The following SH2D5 variants were observed in gnomAD, a reference collection of about 807,000 sequenced individuals.
SH2D5 encodes the protein SH2 domain-containing protein 5.
SH2D5 carries 45 observed loss-of-function variants against 48.2 expected under a neutral mutation model. That is an observed-to-expected ratio of 0.93 (90% CI 0.73 to 1.20). SH2D5 has a LOEUF of 1.20. Among genes scored for constraint, SH2D5 ranks in the 50% most tolerant of loss-of-function variants. The pLI, the probability that SH2D5 is intolerant of heterozygous loss-of-function variation, is 0.00. For missense variants in SH2D5, 538 were observed against 584.1 expected (o/e 0.92, Z 0.81); for synonymous variants, 230 against 249.8 (o/e 0.92, Z 0.75).
rs2054667392 is a variant in SH2D5 at position 20,720,652 on chromosome 1, G to A, written c.*1140C>T. 1.3e-5 allele frequency: 2 copies of A among 152,284 alleles called. No individual in the cohort carries two copies. Among genetic ancestry groups the A allele is most frequent in the African/African-American group, 4.8e-5 (2 of 41,478 alleles). 9.4% of individuals were successfully genotyped at this position (152,284 alleles called of 1,614,324 possible). A position where few individuals can be genotyped will look rare whatever the true frequency, so the allele number is the denominator to read the frequency against. On this transcript the variant is annotated 3_prime_UTR_variant, in exon 10 of 10. Transcript: ENST00000444387. ...GTTTGCTTACAAAGAGGGTTTGTCAGTCACTGGCAGGACCACTGCCTCACA... is the reference window on the plus strand; with the variant it reads ...GTTTGCTTACAAAGAGGGTTTGTCAATCACTGGCAGGACCACTGCCTCACA...
chr1:20,727,975 T>C lies in SH2D5; in HGVS notation c.70A>G (p.Ile24Val). ...CCACCCACCTGGGCAAACTTGGTGA[T>C]GCACCTGGGCCGGTGAGGGGCCAGC... Reference protein sequence around the residue: ...CGLAPHRPRCITKFAQYVGSF... With the variant: ...CGLAPHRPRCVTKFAQYVGSF... The change falls in exon 2 of 10, where the codon ATC becomes GTC. Residue 24 changes from isoleucine (I) to valine (V), a missense_variant. By Grantham distance (29) the Ile-to-Val change is conservative. Transcript: ENST00000444387. 6.4e-7 allele frequency: 1 copy of C among 1,573,388 alleles called. No homozygotes were observed. The highest frequency in any genetic ancestry group is 2.3e-5 in the East Asian group (1 of 42,714).
Position 20,728,978 on chromosome 1 carries a change from C to T in SH2D5, c.-42-892G>A, listed in dbSNP as rs1249709093. ...CAGTCAGACAGTGCGCTGATGCAGA[C>T]AGGATGTGGGGAAGGAGGACAACTG... On this transcript the variant is annotated intron_variant, in intron 1 of 9. Coordinates refer to ENST00000444387, the MANE Select transcript of SH2D5 (RefSeq NM_001103161.2). This position sits in a 1 kb window ranked among gnomAD's most constrained non-coding sequence, Gnocchi z 4.3. Among the ~76,000 whole-genome samples the T allele has an allele frequency of 1.3e-5, 2 of 151,840 alleles. No individual in the cohort carries two copies. Among genetic ancestry groups the T allele is most frequent in the African/African-American group, 4.8e-5 (2 of 41,304 alleles).
rs1049750961 is a variant in SH2D5 at position 20,727,940 on chromosome 1, C to G, written c.87+18G>C. 1.3e-6 allele frequency: 2 copies of G among 1,545,592 alleles called. No homozygotes were observed. The highest frequency in any genetic ancestry group is 1.8e-6 in the Non-Finnish European group (2 of 1,138,920). Reference sequence around the variant, plus strand: ...GGCCACCCACCAGAGCACACCTGGACAGGGTGGCCCCACCCACCTGGGCAA... The same window carrying G: ...GGCCACCCACCAGAGCACACCTGGAGAGGGTGGCCCCACCCACCTGGGCAA... On this transcript the variant is annotated intron_variant, in intron 2 of 9. Coordinates refer to ENST00000444387, the MANE Select transcript of SH2D5 (RefSeq NM_001103161.2).
At position 20,727,054 on chromosome 1, in the gene SH2D5, C is replaced by T. The variant is rs745423162; in HGVS notation, c.190G>A (p.Val64Ile). Residue 64 changes from valine to isoleucine, a missense_variant, in exon 4 of 10, where the codon GTC (valine) becomes ATC (isoleucine). Val to Ile is a conservative substitution (Grantham distance 29). Coordinates refer to ENST00000444387, the MANE Select transcript of SH2D5 (RefSeq NM_001103161.2). Reference protein sequence around the residue: ...ALKDCPRRRAVILKFSLQGLK... With the variant: ...ALKDCPRRRAIILKFSLQGLK... ...CCCTGAAGGCTGAATTTCAGGATGA[C>T]GGCCCGGCGTCGGGGACAGTCCTGG... is the stretch of plus-strand genomic sequence containing the variant. 3.7e-5 allele frequency: 59 copies of T among 1,611,694 alleles called. No homozygotes were observed. Among genetic ancestry groups the T allele is most frequent in the Middle Eastern group, 1.6e-4 (1 of 6,080 alleles).
chr1:20,725,910 C>A lies in SH2D5; in HGVS notation c.390+10G>T, dbSNP rs1009083139. ...CTCCGTGGCGGTCCCCTGCCTCAAG[C>A]CCCAGATACCTCTCCTGGCTGGCTG... On this transcript the variant is annotated intron_variant, in intron 5 of 9. Transcript: ENST00000444387. 12 of 1,612,406 alleles carry A rather than the reference C, an allele frequency of 7.4e-6. No homozygotes were observed. The African/African-American group carries it at 1.2e-4, about 16-fold the overall frequency.
In SH2D5 at chr1:20,724,408, C is replaced by G; in HGVS notation, c.618G>C (p.Leu206=). 1 of 1,612,832 alleles carries G rather than the reference C, an allele frequency of 6.2e-7. No homozygotes were observed. Among genetic ancestry groups the G allele is most frequent in the Non-Finnish European group, 8.5e-7 (1 of 1,179,978 alleles). ...VSFRRLPAEG[L]VGSGKELPES... ...GGGTGCTGCGTACCCCACTGCCCAC[C>G]AGCCCCTCTGCTGGCAGCCGCCGAA... Residue 206 remains leucine, a synonymous_variant, in exon 6 of 10, where the codon CTG becomes CTC. Coordinates refer to ENST00000444387, the MANE Select transcript of SH2D5 (RefSeq NM_001103161.2).
intron 8 of SH2D5, 31 bp from the exon 9 acceptor site, chr1:20,722,946 T>A (rs945227426): frequency 1.3e-6 from 2 of 1,507,208 alleles, no homozygotes; most frequent in Non-Finnish European, 1.8e-6. Flanking sequence ...GAGTAAAGGC[T>A]GGACTGCTCT....
Position 20,728,826 on chromosome 1 carries a change from C to A in SH2D5, c.-42-740G>T, listed in dbSNP as rs1365019258. On this transcript the variant is annotated intron_variant, in intron 1 of 9. Coordinates refer to ENST00000444387, the MANE Select transcript of SH2D5 (RefSeq NM_001103161.2). The surrounding 1 kb of genome is among the most constrained non-coding windows in gnomAD (Gnocchi z 4.3). ...GCTCTGTAGTTCATGAAGGTGGCTG[C>A]AAGCTGGATGGCCAGAGCTGATGAG... is the stretch of plus-strand genomic sequence containing the variant. Among the ~76,000 whole-genome samples, 1 of 152,188 alleles carries A rather than the reference C, an allele frequency of 6.6e-6. No individual in the cohort carries two copies. Among genetic ancestry groups the A allele is most frequent in the East Asian group, 1.9e-4 (1 of 5,196 alleles).
Position 20,724,249 on chromosome 1 carries a change from C to T in SH2D5, c.633G>A (p.Lys211=). 1 of 1,612,308 alleles carries T rather than the reference C, an allele frequency of 6.2e-7. No individual in the cohort carries two copies. The highest frequency in any genetic ancestry group is 8.5e-7 in the Non-Finnish European group (1 of 1,179,580). The part of the protein sequence containing the change: ...LPAEGLVGSG[K]ELPESEGRAR... ...CACGGCCTTCCGACTCTGGCAGCTC[C>T]TTCTAGGGCACCAAGAGGGGCCCAC... Residue 211 remains lysine (K), a splice_region_variant and synonymous_variant, in exon 7 of 10, where the codon AAG becomes AAA. Transcript: ENST00000444387.
chr1:20,727,203 G>GGCTGGTGGACCCCCC (rs1553154628), intron 3 of SH2D5, 128 bp from the exon 4 acceptor site: 12 of 791,264 alleles, frequency 1.5e-5, no homozygotes, highest in Non-Finnish European at 2.2e-5. Context: ...GTGGGGCCCT[G>GGCTGGTGGACCCCCC]GCTGGTGGAC....
intron 5 of SH2D5, 152 bp downstream of exon 5, chr1:20,725,768 G>A: frequency 1.0e-6 from 1 of 960,908 alleles, no homozygotes; most frequent in Non-Finnish European, 1.5e-6. Flanking sequence ...GTCCTCAGTG[G>A]GAAGAGCCAC....
chr1:20,723,596 G>A (rs2054731068), intron 8 of SH2D5, 30 bp downstream of exon 8: 1 of 1,560,146 alleles, frequency 6.4e-7, no homozygotes, highest in Non-Finnish European at 8.8e-7. Context: ...CCAAGGGACT[G>A]GGCGTCAGGC....
rs1415064836 is a variant in SH2D5, at chr1:20,724,620, G to C, written c.406C>G (p.Leu136Val). 6.3e-7 allele frequency: 1 copy of C among 1,577,630 alleles called. No homozygotes were observed. The highest frequency in any genetic ancestry group is 1.7e-4 in the Middle Eastern group (1 of 5,972). ...SQPGEVQILH[L>V]LLCRSFQLAY... ...AGCTGGAAAGAGCGGCACAGCAGCA[G>C]GTGCAGGATCTGGACCTGGGAGGGA... The change falls in exon 6 of 10, where the codon CTG (leucine) becomes GTG (valine). Residue 136 changes from leucine to valine, a missense_variant. Coordinates refer to ENST00000444387, the MANE Select transcript of SH2D5 (RefSeq NM_001103161.2).
At chr1:20,727,225 TG>T in intron 3 of SH2D5, 150 bp from the exon 4 acceptor site, 1 of 686,022 alleles carries the variant, frequency 1.5e-6, no homozygotes. Context: ...CCCCTGGCGC[TG>T]GGGAAGTGGG....
chr1:20,728,036 C>A lies in SH2D5; in HGVS notation c.9G>T (p.Lys3Asn), dbSNP rs1171874808. Residue 3 changes from lysine to asparagine, a missense_variant, in exon 2 of 10, where the codon AAG becomes AAT. By Grantham distance (94) the Lys-to-Asn change is moderately conservative. Coordinates refer to ENST00000444387, the MANE Select transcript of SH2D5 (RefSeq NM_001103161.2). This position sits in a 1 kb window ranked among gnomAD's most constrained non-coding sequence, Gnocchi z 4.3. MQ[K>N]AGAGGRRASD... ...AGGCCCTGCGGCCCCCAGCCCCCGC[C>A]TTCTGCATGGCCCCCAGGGTGCCTG... 6.5e-7 allele frequency: 1 copy of A among 1,547,556 alleles called. No individual in the cohort carries two copies. Among genetic ancestry groups the A allele is most frequent in the Admixed American group, 1.9e-5 (1 of 51,564 alleles).
chr1:20,726,169 G>T (rs536199567), intron 4 of SH2D5, 103 bp from the exon 5 acceptor site: 1 of 1,372,840 alleles, frequency 7.3e-7, no homozygotes, highest in South Asian at 1.5e-5. Flanking sequence ...TTCCAGGCCC[G>T]CCCAGTCTCA....
intron 7 of SH2D5, 37 bp downstream of exon 7, chr1:20,724,046 C>T: frequency 1.3e-5 from 20 of 1,594,534 alleles, no homozygotes; most frequent in Non-Finnish European, 1.7e-5. Flanking sequence ...GCACGTGTCC[C>T]AGGTACACAC....
Position 20,724,223 on chromosome 1 carries a change from G to T in SH2D5, c.659C>A (p.Ala220Asp). ...GGGATTCCCCAGGCGGGCATGGCGG[G>T]CACGGCCTTCCGACTCTGGCAGCTC... is the stretch of plus-strand genomic sequence containing the variant. Reference protein sequence around the residue: ...GKELPESEGRARHARLGNPYC... With the variant: ...GKELPESEGRDRHARLGNPYC... Residue 220 changes from alanine to aspartate, a missense_variant, in exon 7 of 10, where the codon GCC (alanine) becomes GAC (aspartate). Transcript: ENST00000444387. 6.2e-7 allele frequency: 1 copy of T among 1,612,814 alleles called. No homozygotes were observed. Among genetic ancestry groups the T allele is most frequent in the Non-Finnish European group, 8.5e-7 (1 of 1,179,958 alleles).
At position 20,724,235 on chromosome 1, in the gene SH2D5, G is replaced by A. The variant is rs753269375; in HGVS notation, c.647C>T (p.Ser216Leu). ...LVGSGKELPE[S>L]EGRARHARLG... ...GCGGGCATGGCGGGCACGGCCTTCC[G>A]ACTCTGGCAGCTCCTTCTAGGGCAC... Residue 216 changes from serine to leucine, a missense_variant, in exon 7 of 10, where the codon TCG (serine) becomes TTG (leucine). Coordinates refer to ENST00000444387, the MANE Select transcript of SH2D5 (RefSeq NM_001103161.2). 88 of 1,612,564 alleles carry A rather than the reference G, an allele frequency of 5.5e-5. No homozygotes were observed. The highest frequency in any genetic ancestry group is 1.6e-4 in the Middle Eastern group (1 of 6,082).
Sources: allele counts gnomAD v4.1 joint callset (sites outside exome capture counted in the v4.1 genomes callset), GRCh38; gene constraint gnomAD v4.1.1; non-coding constraint Gnocchi (gnomAD v3.1); transcripts MANE v1.5; gene names NCBI Gene and HGNC (gene_info 2026-07-23, HGNC 2026-07-21).